AOC1: variants seen among roughly 807,000 people sequenced by gnomAD.
The protein encoded by AOC1 is diamine oxidase [copper-containing].
A neutral mutation model predicts 57.1 loss-of-function variants in AOC1; 58 were observed. That is an observed-to-expected ratio of 1.02 (90% confidence interval 0.82 to 1.26). The LOEUF (loss-of-function observed/expected upper bound fraction) is 1.26. Among genes scored for constraint, AOC1 ranks in the 50% most tolerant of loss-of-function variants. The pLI is 0.00. For missense variants in AOC1, 917 were observed against 1,005.3 expected, an observed-to-expected ratio of 0.91 and a Z score of 1.19; for synonymous variants, 401 against 423.4, an observed-to-expected ratio of 0.95 and a Z score of 0.65.
At position 150,857,573 on chromosome 7, in the gene AOC1, A is replaced by G. The variant is rs1433471283; in HGVS notation, c.1103A>G (p.Gln368Arg). 1 of 1,614,048 alleles carries G rather than the reference A, an allele frequency of 6.2e-7. No homozygotes were observed. Among genetic ancestry groups the G allele is most frequent in the South Asian group, 1.1e-5 (1 of 91,086 alleles). The change falls in exon 2 of 5, where the codon CAG becomes CGG. Residue 368 changes from glutamine (Q) to arginine (R), a missense_variant. Physicochemically the swap from Gln to Arg is conservative, Grantham distance 43 (BLOSUM62 1). Transcript: ENST00000360937. The surrounding 1 kb of genome is among the most constrained non-coding windows in gnomAD (Gnocchi z 6.6). The part of the protein sequence containing the change: ...LYGGHTPAGM[Q>R]TKYLDVGWGL... ...GGAGGACACACACCTGCAGGCATGC[A>G]GACCAAGTACCTCGATGTCGGCTGG... is the stretch of plus-strand genomic sequence containing the variant.
At chr7:150,853,218 T>C (rs1262188437) in intron 1 of AOC1, among the ~76,000 whole-genome samples, 2 of 152,128 alleles carry the variant, frequency 1.3e-5, no homozygotes, top group South Asian at 2.1e-4. Context: ...GTCCAACCCA[T>C]AGAATATGCA....
chr7:150,858,025 G>T lies in AOC1; in HGVS notation c.1555G>T (p.Asp519Tyr). The change falls in exon 2 of 5, where the codon GAC becomes TAC. Residue 519 changes from aspartate (D) to tyrosine (Y), a missense_variant. Coordinates refer to ENST00000360937, the MANE Select transcript of AOC1 (RefSeq NM_001091.4). ...CACTCACTTGGTGCACTACCGCGTA[G>T]ACCTGGATGTGGCAGGTAGGACTCA... ...IHTHLVHYRVDLDVAGTKNSF... is the reference protein window; with the variant it reads ...IHTHLVHYRVYLDVAGTKNSF... 1.3e-6 allele frequency: 2 copies of T among 1,520,794 alleles called. No individual in the cohort carries two copies. The highest frequency in any genetic ancestry group is 1.8e-6 in the Non-Finnish European group (2 of 1,139,888). The allele number at this position is 1,520,794 out of a possible 1,614,324, so 94.2% of individuals were successfully genotyped here. A position where few individuals can be genotyped will look rare whatever the true frequency, so the allele number is the denominator to read the frequency against.
chr7:150,857,659 T>G lies in AOC1; in HGVS notation c.1189T>G (p.Phe397Val). 1.2e-6 allele frequency: 2 copies of G among 1,614,142 alleles called. No individual in the cohort carries two copies. Among genetic ancestry groups the G allele is most frequent in the Non-Finnish European group, 1.7e-6 (2 of 1,179,990 alleles). ...CATCGACTGCCCGGAGACCGCCACC[T>G]TCCTGGACACTTTCCACTACTATGA... ...PGIDCPETATFLDTFHYYDAD... is the reference protein window; with the variant it reads ...PGIDCPETATVLDTFHYYDAD... Residue 397 changes from phenylalanine to valine, a missense_variant, in exon 2 of 5, where the codon TTC becomes GTC. Transcript: ENST00000360937. The surrounding 1 kb of genome is among the most constrained non-coding windows in gnomAD (Gnocchi z 6.6).
At chr7:150,860,919 T>C (rs765176219) in intron 4 of AOC1, 24 bp from the exon 5 acceptor site, 8 of 1,602,138 alleles carry the variant, frequency 5.0e-6, no homozygotes, top group African/African-American at 1.3e-5. Flanking sequence ...CCCTGCCCAC[T>C]GAAGCCCACC....
intron 1 of AOC1, among the ~76,000 whole-genome samples, chr7:150,853,249 T>A (rs969691125): frequency 2.6e-5 from 4 of 152,274 alleles, no homozygotes; most frequent in African/African-American, 7.2e-5. Flanking sequence ...TGAGTCCTGA[T>A]GTAAACTGTG....
chr7:150,855,441 G>A (rs543676137), intron 1 of AOC1, among the ~76,000 whole-genome samples: 2 of 152,326 alleles, frequency 1.3e-5, no homozygotes, highest in Admixed American at 6.5e-5. Context: ...AGCCCTGCAG[G>A]AGGCTCACAG....
chr7:150,854,277 G>C (rs1014139351), intron 1 of AOC1: 2 of 152,246 alleles, frequency 1.3e-5, no homozygotes, highest in African/African-American at 4.8e-5. Flanking sequence ...CATGACCATG[G>C]AGCAAAACGA....
intron 2 of AOC1, 143 bp downstream of exon 2, chr7:150,858,183 A>T: frequency 5.8e-6 from 7 of 1,204,898 alleles, no homozygotes; most frequent in Non-Finnish European, 7.9e-6. Context: ...CTAAAGCTAG[A>T]AATTTGTGTG....
At chr7:150,860,143 C>T (rs1799923815) in intron 3 of AOC1, among the ~76,000 whole-genome samples, 1 of 151,626 alleles carries the variant, frequency 6.6e-6, no homozygotes, top group Non-Finnish European at 1.5e-5. Flanking sequence ...CGCATCACTG[C>T]ACTCCAGCCT....
rs200566749 is a variant in AOC1 at position 150,857,846 on chromosome 7, A to G, written c.1376A>G (p.Tyr459Cys). The G allele has an allele frequency of 6.2e-7, 1 of 1,614,016 alleles. No homozygotes were observed. Among genetic ancestry groups the G allele is most frequent in the African/African-American group, 1.3e-5 (1 of 75,048 alleles). The change falls in exon 2 of 5, where the codon TAC (tyrosine) becomes TGC (cysteine). Residue 459 changes from tyrosine to cysteine, a missense_variant. Coordinates refer to ENST00000360937, the MANE Select transcript of AOC1 (RefSeq NM_001091.4). This position sits in a 1 kb window ranked among gnomAD's most constrained non-coding sequence, Gnocchi z 6.6. ...VLVLRTTSTV[Y>C]NYDYIWDFIF... ...GTGCTGCGGACAACTTCAACTGTCT[A>G]CAATTATGATTACATTTGGGACTTT...
At chr7:150,852,394 G>A (rs1663946042), upstream of AOC1, 1 of 152,410 alleles carries the variant, frequency 6.6e-6, no homozygotes, top group African/African-American at 2.4e-5. This position sits in a 1 kb window ranked among gnomAD's most constrained non-coding sequence, Gnocchi z 4.6. Context: ...CGCCACTGTA[G>A]CTGCCCACAG....
In AOC1 at chr7:150,860,604, C is replaced by T; in HGVS notation, c.1960C>T (p.Leu654Phe). 2 of 1,614,020 alleles carry T rather than the reference C, an allele frequency of 1.2e-6. No homozygotes were observed. Among genetic ancestry groups the T allele is most frequent in the Non-Finnish European group, 1.7e-6 (2 of 1,179,918 alleles). ...WHPPVVFEQF[L>F]HNNENIENED... Reference sequence around the variant, plus strand: ...CCCGCCCGTGGTCTTTGAGCAGTTTCTTCACAACAACGAGAACATTGAAAA... The same window carrying T: ...CCCGCCCGTGGTCTTTGAGCAGTTTTTTCACAACAACGAGAACATTGAAAA... The change falls in exon 4 of 5, where the codon CTT becomes TTT. Residue 654 changes from leucine (L) to phenylalanine (F), a missense_variant. Transcript: ENST00000360937.
chr7:150,857,364 C>T lies in AOC1; in HGVS notation c.894C>T (p.Ser298=), dbSNP rs45568935. The change falls in exon 2 of 5, where the codon AGC becomes AGT. Residue 298 remains serine, a synonymous_variant. Transcript: ENST00000360937. The surrounding 1 kb of genome is among the most constrained non-coding windows in gnomAD (Gnocchi z 6.6). ...ACTTCCCCAGCCCCATCCATGTGAG[C>T]GGCCCCCGCTTGGTCCAGCCCCACG... ...RGDFPSPIHV[S]GPRLVQPHGP... is the part of the protein sequence containing the mutation. The T allele has an allele frequency of 1.7e-3, 2,672 of 1,606,192 alleles. 49 individuals are homozygous for T. The African/African-American group carries it at 0.031, about 19-fold the overall frequency.
intron 2 of AOC1, 123 bp from the exon 3 acceptor site, chr7:150,858,640 A>C: frequency 9.1e-7 from 1 of 1,096,300 alleles, no homozygotes; most frequent in Non-Finnish European, 1.3e-6. Context: ...ATCCCCCAAC[A>C]TCCCGGTTAT....
At position 150,859,019 on chromosome 7, in the gene AOC1, G is replaced by A; in HGVS notation, c.1827G>A (p.Trp609Ter). ...CCGACCAGGTGCTGCCCCCAGGCTG[G>A]CAGGAGGAGCAGGCCATCACCTGGG... ...SMADQVLPPG[W>*]QEEQAITWAR... Residue 609 changes from tryptophan (W) to a stop codon, truncating the protein, a stop_gained, in exon 3 of 5, where the codon TGG becomes TGA. Coordinates refer to ENST00000360937, the MANE Select transcript of AOC1 (RefSeq NM_001091.4). LOFTEE classifies it high-confidence loss of function. 6.3e-7 allele frequency: 1 copy of A among 1,584,300 alleles called. No individual in the cohort carries two copies. Among genetic ancestry groups the A allele is most frequent in the Non-Finnish European group, 8.6e-7 (1 of 1,159,794 alleles).
rs58962017 is a variant in AOC1 at position 150,856,080 on chromosome 7, G to A, written c.-16-375G>A. On this transcript the variant is annotated intron_variant, in intron 1 of 4. Transcript: ENST00000360937. The surrounding 1 kb of genome is among the most constrained non-coding windows in gnomAD (Gnocchi z 5.2). Reference sequence around the variant, plus strand: ...ATGTAGTTTTGCTGTTAATACAGGTGTCTTCTTCTCCAGGACACAAGAAGC... The same window carrying A: ...ATGTAGTTTTGCTGTTAATACAGGTATCTTCTTCTCCAGGACACAAGAAGC... 2.0e-3 allele frequency among the ~76,000 whole-genome samples: 300 copies of A among 152,312 alleles called. No homozygotes were observed. The highest frequency in any genetic ancestry group is 6.7e-3 in the African/African-American group (280 of 41,582).
upstream of AOC1, chr7:150,852,239 A>G (rs1168824281): frequency 6.6e-6 from 1 of 152,220 alleles, no homozygotes; most frequent in Non-Finnish European, 1.5e-5. This position sits in a 1 kb window ranked among gnomAD's most constrained non-coding sequence, Gnocchi z 4.6. Flanking sequence ...CTCTGCCTCT[A>G]AAATATGCCA....
At chr7:150,853,039 T>C (rs759090272) in intron 1 of AOC1, among the ~76,000 whole-genome samples, 3 of 152,136 alleles carry the variant, frequency 2.0e-5, no homozygotes, top group Admixed American at 6.5e-5. Flanking sequence ...GGCTGCAGAC[T>C]GTAAGATTCC....
intron 4 of AOC1, 50 bp downstream of exon 4, chr7:150,860,683 G>GCT: frequency 6.3e-7 from 1 of 1,591,878 alleles, no homozygotes; most frequent in Non-Finnish European, 8.6e-7. Context: ...CCTCCTTCCA[G>GCT]CTCAGCCCAG....
Sources: gnomAD v4.1 joint callset for allele counts (sites outside exome capture counted in the v4.1 genomes callset) on GRCh38, gnomAD v4.1.1 for gene constraint, Gnocchi (gnomAD v3.1) non-coding constraint, MANE v1.5 for transcripts, NCBI Gene and HGNC (gene_info 2026-07-23, HGNC 2026-07-21) for gene names.